Variants in LYN observed in about 807,000 individuals in gnomAD.
LYN encodes the protein tyrosine-protein kinase Lyn.
In LYN, 12 loss-of-function variants were observed where a neutral mutation model predicts 65.0. That is an observed-to-expected ratio of 0.18 (90% CI 0.12 to 0.30). The LOEUF (loss-of-function observed/expected upper bound fraction) is 0.30, where lower values mean the gene tolerates loss of function less well. Ranked by LOEUF, LYN falls within the 10% of genes least tolerant of loss-of-function variation. The probability of loss-of-function intolerance (pLI) is 1.00; values close to 1 mark genes in which losing one functional copy is unlikely to be tolerated. For synonymous variants in LYN, 222 were observed against 221.2 expected, an observed-to-expected ratio of 1.00 and a Z score of -0.03; for missense variants, 380 against 623.2, an observed-to-expected ratio of 0.61 and a Z score of 4.16.
chr8:55,934,390 T>C (rs1806363821), intron 1 of LYN, among the ~76,000 whole-genome samples: 1 of 152,242 alleles, frequency 6.6e-6, no homozygotes, highest in Non-Finnish European at 1.5e-5. Flanking sequence ...TGCAATCTTG[T>C]GTTTAGGTAG....
intron 1 of LYN, among the ~76,000 whole-genome samples, chr8:55,933,252 A>G (rs1411998102): frequency 6.6e-6 from 1 of 152,254 alleles, no homozygotes; most frequent in Non-Finnish European, 1.5e-5. Flanking sequence ...AAATAATTAA[A>G]AGATACCAAT....
At chr8:55,959,077 C>T (rs1206463366) in intron 8 of LYN, among the ~76,000 whole-genome samples, 1 of 152,164 alleles carries the variant, frequency 6.6e-6, no homozygotes, top group Non-Finnish European at 1.5e-5. Flanking sequence ...TCCCATTGAC[C>T]GTGTGTAAGT....
chr8:55,914,561 A>C (rs759536130), intron 1 of LYN, among the ~76,000 whole-genome samples: 58 of 152,190 alleles, frequency 3.8e-4, no homozygotes, highest in Non-Finnish European at 4.7e-4. Flanking sequence ...GGCCATCCAC[A>C]TGCCTTCCAG....
At chr8:55,947,798 G>T (rs992495411) in intron 4 of LYN, 75 bp downstream of exon 4, 39 of 998,678 alleles carry the variant, frequency 3.9e-5, no homozygotes, top group Middle Eastern at 5.9e-4. Flanking sequence ...CCCTTGTCTT[G>T]CTTCTGGTGC....
At chr8:55,998,117 T>C in intron 10 of LYN, among the ~76,000 whole-genome samples, 1 of 143,380 alleles carries the variant, frequency 7.0e-6, no homozygotes, top group Non-Finnish European at 1.5e-5. Flanking sequence ...GACATGTTCC[T>C]TTTTTTTTTT....
chr8:55,925,956 A>G (rs73606871), intron 1 of LYN, among the ~76,000 whole-genome samples: 4,310 of 152,330 alleles, frequency 0.028, 123 homozygotes, highest in African/African-American at 0.073. Context: ...ATTGCTTCCA[A>G]ACATTTTTAT....
At chr8:55,919,022 C>CAAAAAAAAAAAA (rs35663372) in intron 1 of LYN, among the ~76,000 whole-genome samples, 1 of 62,756 alleles carries the variant, frequency 1.6e-5, no homozygotes. Flanking sequence ...CCTGTCTCTA[C>CAAAAAAAAAAAA]AAAAAAAAAA....
chr8:55,897,587 G>A (rs1392984480), intron 1 of LYN, among the ~76,000 whole-genome samples: 1 of 152,042 alleles, frequency 6.6e-6, no homozygotes, highest in Non-Finnish European at 1.5e-5. Context: ...AAAATCTTTA[G>A]TAATGGGATA....
intron 1 of LYN, among the ~76,000 whole-genome samples, chr8:55,889,429 C>T (rs1804890074): frequency 6.6e-6 from 1 of 152,124 alleles, no homozygotes; most frequent in Admixed American, 6.5e-5. Flanking sequence ...TGTCAAACTC[C>T]TAAGCTCAAG....
chr8:55,893,030 A>G (rs1423597369), intron 1 of LYN, among the ~76,000 whole-genome samples: 1 of 151,722 alleles, frequency 6.6e-6, no homozygotes, highest in Non-Finnish European at 1.5e-5. Context: ...GGAATTGAAA[A>G]GCAGTACAAA....
chr8:55,977,537 T>G (rs1807790641), intron 10 of LYN, among the ~76,000 whole-genome samples: 1 of 152,172 alleles, frequency 6.6e-6, no homozygotes, highest in African/African-American at 2.4e-5. Flanking sequence ...ACTGTTTTTG[T>G]TGCTGTTTTT....
intron 8 of LYN, among the ~76,000 whole-genome samples, chr8:55,962,921 G>A (rs1421357086): frequency 1.3e-5 from 2 of 152,228 alleles, no homozygotes; most frequent in Admixed American, 6.5e-5. Flanking sequence ...GAGCAAGAGA[G>A]TGACCAGAAG....
intron 10 of LYN, among the ~76,000 whole-genome samples, chr8:55,972,120 G>T (rs1053404662): frequency 1.3e-5 from 2 of 152,202 alleles, no homozygotes; most frequent in Non-Finnish European, 2.9e-5. Context: ...CCTAGCAGTG[G>T]CCCCTTGGTG....
At chr8:55,904,116 G>A (rs1400969660) in intron 1 of LYN, among the ~76,000 whole-genome samples, 2 of 151,980 alleles carry the variant, frequency 1.3e-5, no homozygotes, top group Admixed American at 6.6e-5. Context: ...AAACAATGAG[G>A]TAGAATGACT....
At chr8:55,936,312 C>A (rs946366552) in intron 1 of LYN, among the ~76,000 whole-genome samples, 4 of 152,192 alleles carry the variant, frequency 2.6e-5, no homozygotes, top group African/African-American at 9.6e-5. Context: ...GCTTCCTCCA[C>A]AGAAAGGCAG....
At chr8:55,916,524 G>A (rs1055870112) in intron 1 of LYN, among the ~76,000 whole-genome samples, 7 of 152,308 alleles carry the variant, frequency 4.6e-5, no homozygotes, top group African/African-American at 1.7e-4. Flanking sequence ...CTACACCGAG[G>A]ACAGCATGTG....
chr8:55,977,512 A>C (rs750055066), intron 10 of LYN, among the ~76,000 whole-genome samples: 1 of 152,166 alleles, frequency 6.6e-6, no homozygotes, highest in Non-Finnish European at 1.5e-5. Context: ...CATGCTCCTA[A>C]CATTTTGTTT....
intron 8 of LYN, among the ~76,000 whole-genome samples, chr8:55,956,108 C>A (rs1235636753): frequency 1.4e-5 from 2 of 147,378 alleles, no homozygotes; most frequent in African/African-American, 5.0e-5. Context: ...ATTATATGCT[C>A]ATTAAAAAAA....
chr8:55,997,767 A>C (rs1325588810), intron 10 of LYN, among the ~76,000 whole-genome samples: 4 of 152,238 alleles, frequency 2.6e-5, no homozygotes, highest in Non-Finnish European at 5.9e-5. Flanking sequence ...CAGGGTCTTG[A>C]AAAGATTCTT....
Sources: allele counts gnomAD v4.1 joint callset (sites outside exome capture counted in the v4.1 genomes callset), GRCh38; gene constraint gnomAD v4.1.1; transcripts MANE v1.5; gene names NCBI Gene and HGNC (gene_info 2026-07-23, HGNC 2026-07-21).